Variants in NETO1 observed in about 807,000 individuals in gnomAD.
The protein encoded by NETO1 is neuropilin and tolloid-like protein 1.
A neutral mutation model predicts 61.3 loss-of-function variants in NETO1; 26 were observed. The ratio of observed to expected loss-of-function variants is 0.42; its 90% CI spans 0.31 to 0.59. NETO1 has a LOEUF of 0.59. Ranked by LOEUF, NETO1 falls within the 20% of genes least tolerant of loss-of-function variation. The pLI is 0.12. For synonymous variants in NETO1, 225 were observed against 225.8 expected, an observed-to-expected ratio of 1.00 and a Z score of 0.03; for missense variants, 531 against 662.8, an observed-to-expected ratio of 0.80 and a Z score of 2.18.
chr18:72,772,032 G>T (rs936164054), intron 7 of NETO1, among the ~76,000 whole-genome samples: 1 of 152,082 alleles, frequency 6.6e-6, no homozygotes, highest in African/African-American at 2.4e-5. Flanking sequence ...TTCTAAGTTT[G>T]TTCAAGTTGT....
intron 4 of NETO1, among the ~76,000 whole-genome samples, chr18:72,811,855 C>T (rs1255293510): frequency 3.3e-5 from 5 of 152,172 alleles, no homozygotes; most frequent in African/African-American, 1.2e-4. Flanking sequence ...ATTTGGGGTT[C>T]TGAAACCTTC....
intron 7 of NETO1, among the ~76,000 whole-genome samples, chr18:72,771,899 A>G (rs756087564): frequency 6.0e-4 from 87 of 146,178 alleles, no homozygotes; most frequent in Non-Finnish European, 1.8e-4. Flanking sequence ...TCTTTTTATG[A>G]TCTCACAGTT....
intron 7 of NETO1, among the ~76,000 whole-genome samples, chr18:72,767,820 T>C (rs2071216097): frequency 6.6e-6 from 1 of 152,154 alleles, no homozygotes; most frequent in South Asian, 2.1e-4. Context: ...TACAATTTTA[T>C]TTCATTTTCC....
intron 4 of NETO1, chr18:72,834,329 A>G (rs1479848380): frequency 3.4e-6 from 3 of 888,100 alleles, no homozygotes; most frequent in South Asian, 5.2e-5. Context: ...TTAACCAGTT[A>G]CTTTTTAGAA....
rs76930925 is a variant in NETO1 at position 72,814,154 on chromosome 18, C to T, written c.470-19750G>A. ...AGCAGAAGGTAAGTGATATTAGGTC[C>T]CCAATTTTAGATGCAAAAAGGAATA... On this transcript the variant is annotated intron_variant, in intron 4 of 10. Coordinates refer to ENST00000327305, the MANE Select transcript of NETO1 (RefSeq NM_138966.5). Among the ~76,000 whole-genome samples, 1,080 of 151,968 alleles carry T rather than the reference C, an allele frequency of 7.1e-3. 31 individuals are homozygous for T. Among genetic ancestry groups the T allele is most frequent in the East Asian group, 0.049 (253 of 5,156 alleles).
At chr18:72,811,539 C>T (rs1316307238) in intron 4 of NETO1, among the ~76,000 whole-genome samples, 1 of 152,150 alleles carries the variant, frequency 6.6e-6, no homozygotes, top group Admixed American at 6.5e-5. Flanking sequence ...TGGGGTGGCT[C>T]GTGCTTGTCA....
chr18:72,802,793 A>C (rs1006562270), intron 4 of NETO1, among the ~76,000 whole-genome samples: 1 of 152,234 alleles, frequency 6.6e-6, no homozygotes, highest in Non-Finnish European at 1.5e-5. Context: ...ATGCAATTGC[A>C]CAGCAGGAAA....
chr18:72,865,447 G>A (rs1208677764), intron 1 of NETO1: 9 of 1,243,414 alleles, frequency 7.2e-6, no homozygotes, highest in East Asian at 2.5e-5. Flanking sequence ...ACTAATGCAA[G>A]TTAAGAATGG....
At position 72,821,260 on chromosome 18, in the gene NETO1, G is replaced by T. The variant is rs9959659; in HGVS notation, c.470-26856C>A. 3.5e-3 allele frequency among the ~76,000 whole-genome samples: 327 copies of T among 93,844 alleles called. 2 individuals carry two copies. The highest frequency in any genetic ancestry group is 0.013 in the African/African-American group (272 of 21,390). The allele number at this position is 93,844 out of a possible 152,430, so 61.6% of individuals were successfully genotyped here. ...AAAAAAAAAAAAAAAAAAAAAAATG[G>T]GTCCAGGCACAGTGGCTCATGCCTG... On this transcript the variant is annotated intron_variant, in intron 4 of 10. Coordinates refer to ENST00000327305, the MANE Select transcript of NETO1 (RefSeq NM_138966.5).
chr18:72,784,465 C>T (rs1402430305), intron 6 of NETO1, among the ~76,000 whole-genome samples: 1 of 152,140 alleles, frequency 6.6e-6, no homozygotes, highest in African/African-American at 2.4e-5. Flanking sequence ...TCTGTCCATT[C>T]ATGCCATATA....
chr18:72,779,504 G>C (rs1224832853), intron 7 of NETO1, among the ~76,000 whole-genome samples: 1 of 151,978 alleles, frequency 6.6e-6, no homozygotes, highest in Non-Finnish European at 1.5e-5. Flanking sequence ...CCTAAACAAA[G>C]TATCTTTGCT....
At chr18:72,804,944 A>C (rs1302895096) in intron 4 of NETO1, among the ~76,000 whole-genome samples, 1 of 152,170 alleles carries the variant, frequency 6.6e-6, no homozygotes, top group Non-Finnish European at 1.5e-5. Context: ...AATCTTTACT[A>C]ATTTCCTAAG....
intron 4 of NETO1, among the ~76,000 whole-genome samples, chr18:72,817,535 G>A (rs1470605011): frequency 1.3e-5 from 2 of 152,024 alleles, no homozygotes; most frequent in African/African-American, 4.8e-5. Context: ...GTAAAGATTC[G>A]GTACAAATAC....
At chr18:72,862,715 G>C (rs942058754) in intron 3 of NETO1, among the ~76,000 whole-genome samples, 4 of 150,688 alleles carry the variant, frequency 2.7e-5, no homozygotes. Flanking sequence ...CCGCCTCCCG[G>C]GTTCACGCCA....
intron 4 of NETO1, among the ~76,000 whole-genome samples, chr18:72,812,755 A>G (rs2145217021): frequency 6.6e-6 from 1 of 152,242 alleles, no homozygotes; most frequent in South Asian, 2.1e-4. Context: ...AGTTTCTCCT[A>G]TAAATAACTC....
At chr18:72,770,539 T>C in intron 7 of NETO1, among the ~76,000 whole-genome samples, 1 of 152,124 alleles carries the variant, frequency 6.6e-6, no homozygotes, top group South Asian at 2.1e-4. Flanking sequence ...ATCTGGTATT[T>C]ATGCTACTAT....
chr18:72,755,952 G>A, intron 8 of NETO1, 82 bp downstream of exon 8: 1 of 688,852 alleles, frequency 1.5e-6, no homozygotes, highest in Non-Finnish European at 2.6e-6. Context: ...TTATTTTAAA[G>A]ACTGTCTGAT....
intron 4 of NETO1, among the ~76,000 whole-genome samples, chr18:72,824,315 T>C (rs2073305761): frequency 6.6e-6 from 1 of 152,202 alleles, no homozygotes; most frequent in Non-Finnish European, 1.5e-5. Flanking sequence ...TCTAGTCTCC[T>C]TTCCATGGCA....
chr18:72,763,982 C>G (rs960639429), intron 7 of NETO1, among the ~76,000 whole-genome samples: 1 of 152,040 alleles, frequency 6.6e-6, no homozygotes, highest in African/African-American at 2.4e-5. Flanking sequence ...TGACAATCAG[C>G]GAAGGGGGAA....
Sources: allele counts gnomAD v4.1 joint callset (sites outside exome capture counted in the v4.1 genomes callset), GRCh38; gene constraint gnomAD v4.1.1; transcripts MANE v1.5; gene names NCBI Gene and HGNC (gene_info 2026-07-23, HGNC 2026-07-21).